The following LARP1B variants were observed in gnomAD, a reference collection of about 807,000 sequenced individuals.
LARP1B encodes La ribonucleoprotein 1B.
LARP1B carries 76 observed loss-of-function variants against 114.2 expected under a neutral mutation model. The ratio of observed to expected loss-of-function variants is 0.67; its 90% CI spans 0.55 to 0.81. The LOEUF is 0.81. Ranked by LOEUF, LARP1B falls within the 30% of genes least tolerant of loss-of-function variation. The pLI is 0.00. For synonymous variants in LARP1B, 345 were observed against 348.0 expected (o/e 0.99, Z 0.10); for missense variants, 1,014 against 1,075.8 (o/e 0.94, Z 0.80).
At chr4:128,169,368 C>T (rs1246938961) in intron 12 of LARP1B, among the ~76,000 whole-genome samples, 2 of 151,778 alleles carry the variant, frequency 1.3e-5, no homozygotes, top group African/African-American at 2.4e-5. Flanking sequence ...TACAAATTTC[C>T]ACCTAAGCAG....
chr4:128,193,507 C>G (rs1297857167), intron 15 of LARP1B, among the ~76,000 whole-genome samples: 1 of 151,896 alleles, frequency 6.6e-6, no homozygotes, highest in African/African-American at 2.4e-5. Context: ...TCTTTTTTTC[C>G]TTCTTCTGGG....
chr4:128,213,188 A>AC (rs1759223988), downstream of LARP1B, among the ~76,000 whole-genome samples: 1 of 152,150 alleles, frequency 6.6e-6, no homozygotes, highest in Non-Finnish European at 1.5e-5. Flanking sequence ...TGCTGGGATT[A>AC]CAGGTGTGAG....
chr4:128,209,892 T>A lies in LARP1B; in HGVS notation c.2584T>A (p.Ser862Thr). The A allele has an allele frequency of 6.2e-7, 1 of 1,614,024 alleles. No individual in the cohort carries two copies. The highest frequency in any genetic ancestry group is 8.5e-7 in the Non-Finnish European group (1 of 1,179,950). ...TGATGAATTTGGAAGAAAAAGACATTCCTCTACTTCTGGTGAGGAGAGTAA... is the reference window on the plus strand; with the variant it reads ...TGATGAATTTGGAAGAAAAAGACATACCTCTACTTCTGGTGAGGAGAGTAA... ...ISDEFGRKRH[S>T]STSGEESNRH... Residue 862 changes from serine to threonine, a missense_variant, in exon 20 of 20, where the codon TCC becomes ACC. By Grantham distance (58) the Ser-to-Thr change is moderately conservative. Transcript: ENST00000326639.
chr4:128,177,027 G>A, intron 13 of LARP1B, 120 bp downstream of exon 13: 1 of 882,348 alleles, frequency 1.1e-6, no homozygotes, highest in Non-Finnish European at 1.9e-6. Context: ...ATGGAACAAG[G>A]AACAGGACTG....
At chr4:128,091,889 G>T (rs892142177) in intron 7 of LARP1B, among the ~76,000 whole-genome samples, 2 of 152,146 alleles carry the variant, frequency 1.3e-5, no homozygotes, top group South Asian at 2.1e-4. Context: ...GAGCCACCAT[G>T]CCTGGCTGTT....
chr4:128,156,036 C>T, intron 11 of LARP1B: 1 of 1,577,188 alleles, frequency 6.3e-7, no homozygotes, highest in Non-Finnish European at 8.6e-7. Context: ...CGGCACTGCA[C>T]ACCCCCAAGC....
At chr4:128,109,345 CTT>C (rs1319071784) in intron 9 of LARP1B, among the ~76,000 whole-genome samples, 1 of 152,076 alleles carries the variant, frequency 6.6e-6, no homozygotes, top group Non-Finnish European at 1.5e-5. Context: ...CAACATAACT[CTT>C]TATGATTTCT....
At chr4:128,160,416 G>C (rs534356602) in intron 11 of LARP1B, among the ~76,000 whole-genome samples, 1 of 152,196 alleles carries the variant, frequency 6.6e-6, no homozygotes, top group Non-Finnish European at 1.5e-5. Flanking sequence ...GAAGGGACAT[G>C]AAAAGGAAGC....
At chr4:128,093,506 G>A (rs1477355656) in intron 7 of LARP1B, among the ~76,000 whole-genome samples, 3 of 151,830 alleles carry the variant, frequency 2.0e-5, no homozygotes, top group Non-Finnish European at 4.4e-5. Flanking sequence ...TGAGGCAGGA[G>A]AATGGTGTGA....
intron 11 of LARP1B, chr4:128,123,526 T>A: frequency 2.2e-6 from 1 of 451,888 alleles, no homozygotes; most frequent in Non-Finnish European, 2.9e-6. Flanking sequence ...TATAATTCTA[T>A]ATATTTTACT....
intron 11 of LARP1B, among the ~76,000 whole-genome samples, chr4:128,141,083 G>A (rs1727898337): frequency 6.6e-6 from 1 of 152,076 alleles, no homozygotes; most frequent in Non-Finnish European, 1.5e-5. Context: ...CAAAGTGCTG[G>A]GATTACAGGC....
intron 3 of LARP1B, among the ~76,000 whole-genome samples, chr4:128,076,876 C>A (rs1016864233): frequency 6.6e-6 from 1 of 152,076 alleles, no homozygotes; most frequent in Non-Finnish European, 1.5e-5. Context: ...TAGGCATGCA[C>A]CACCACGCCT....
rs1185661300 is a variant in LARP1B, at chr4:128,092,851, A to G, written c.668+1339A>G. The stretch of plus-strand genomic sequence containing the variant: ...GACATGTGGCTGTCAACTTCATACC[A>G]CTATTACTGTCTTTTTTGTAACTTT... On this transcript the variant is annotated intron_variant, in intron 7 of 19. Transcript: ENST00000326639. The G allele has an allele frequency of 1.1e-5, 11 of 985,386 alleles. No individual in the cohort carries two copies. The South Asian group carries it at 3.8e-4, about 34-fold the overall frequency. 61.0% of individuals were successfully genotyped at this position (985,386 alleles called of 1,614,324 possible). A position where few individuals can be genotyped will look rare whatever the true frequency, so the allele number is the denominator to read the frequency against.
Position 128,071,560 on chromosome 4 carries a change from T to A in LARP1B, c.-77-2900T>A, listed in dbSNP as rs142302459. On this transcript the variant is annotated intron_variant, in intron 1 of 19. Transcript: ENST00000326639. ...CCTCAGCCTCCCGAGTAGCTGGGAT[T>A]ACAGGCGTCTACCACCACGCCCAGT... is the stretch of plus-strand genomic sequence containing the variant. 9.4e-3 allele frequency among the ~76,000 whole-genome samples: 1,431 copies of A among 151,690 alleles called. 23 individuals are homozygous for A. Among genetic ancestry groups the A allele is most frequent in the African/African-American group, 0.033 (1,350 of 41,350 alleles).
chr4:128,202,310 A>G (rs1403711698), intron 17 of LARP1B, among the ~76,000 whole-genome samples: 1 of 152,190 alleles, frequency 6.6e-6, no homozygotes, highest in East Asian at 1.9e-4. Flanking sequence ...CTATTCGTCA[A>G]TTGTAAAATC....
At position 128,199,852 on chromosome 4, in the gene LARP1B, G is replaced by A. The variant is rs1344458406; in HGVS notation, c.2164+253G>A. Among the ~76,000 whole-genome samples the A allele has an allele frequency of 5.3e-5, 8 of 152,296 alleles. No homozygotes were observed. In the East Asian group the frequency reaches 9.6e-4, roughly 18 times the overall value. Reference sequence around the variant, plus strand: ...AGTAATCTCAGCACTTTGGGAGGCCGAGGCATGCAGATCACTTGAGGTCAG... The same window carrying A: ...AGTAATCTCAGCACTTTGGGAGGCCAAGGCATGCAGATCACTTGAGGTCAG... On this transcript the variant is annotated intron_variant, in intron 16 of 19. Transcript: ENST00000326639.
intron 11 of LARP1B, among the ~76,000 whole-genome samples, chr4:128,142,295 CTG>C (rs1187012772): frequency 6.6e-6 from 1 of 152,064 alleles, no homozygotes; most frequent in Non-Finnish European, 1.5e-5. Flanking sequence ...AATTTGAAAA[CTG>C]TAAAAAACTG....
intron 11 of LARP1B, among the ~76,000 whole-genome samples, chr4:128,140,919 G>A (rs1425188107): frequency 1.3e-5 from 2 of 151,220 alleles, no homozygotes; most frequent in Non-Finnish European, 2.9e-5. Context: ...GGGTTCAAGC[G>A]ATTCTGCTGC....
chr4:128,118,741 T>C (rs907113225), intron 10 of LARP1B, among the ~76,000 whole-genome samples: 1 of 152,014 alleles, frequency 6.6e-6, no homozygotes, highest in Non-Finnish European at 1.5e-5. Context: ...TTTGGTTGCT[T>C]TTTGAATGCT....
Sources: allele counts gnomAD v4.1 joint callset (sites outside exome capture counted in the v4.1 genomes callset), GRCh38; gene constraint gnomAD v4.1.1; transcripts MANE v1.5; gene names NCBI Gene and HGNC (gene_info 2026-07-23, HGNC 2026-07-21).